Variants in KDM2B observed in about 807,000 individuals in gnomAD.
KDM2B encodes lysine-specific demethylase 2B.
A neutral mutation model predicts 150.0 loss-of-function variants in KDM2B; 26 were observed. The ratio of observed to expected loss-of-function variants is 0.17; its 90% confidence interval spans 0.13 to 0.24. The LOEUF is 0.24. Ranked by LOEUF, KDM2B falls within the 10% of genes least tolerant of loss-of-function variation. The pLI, the probability that KDM2B is intolerant of heterozygous loss-of-function variation, is 1.00. For synonymous variants in KDM2B, 734 were observed against 729.5 expected (o/e 1.01, Z -0.10); for missense variants, 1,265 against 1,816.9 (o/e 0.70, Z 5.52).
upstream of KDM2B, chr12:121,581,034 G>A (rs544047757): frequency 2.2e-6 from 3 of 1,350,270 alleles, no homozygotes; most frequent in African/African-American, 1.5e-5. Flanking sequence ...AGGAAATACA[G>A]CCAGACCAGA....
At chr12:121,408,505 A>G in the KDM2B span, among the ~76,000 whole-genome samples, 1 of 152,168 alleles carries the variant, frequency 6.6e-6, no homozygotes, top group African/African-American at 2.4e-5. Flanking sequence ...TTAAGAGGGG[A>G]AAGATCAGTA....
chr12:121,510,796 AAATAAT>A (rs58239095), intron 10 of KDM2B, among the ~76,000 whole-genome samples: 19 of 146,452 alleles, frequency 1.3e-4, no homozygotes, highest in East Asian at 2.0e-4. Flanking sequence ...CTGTCTCAAA[AAATAAT>A]AATAATAATA....
Position 121,575,957 on chromosome 12 carries a change from G to C in KDM2B, c.272-98C>G. 1.2e-6 allele frequency: 1 copy of C among 862,480 alleles called. No homozygotes were observed. The highest frequency in any genetic ancestry group is 2.0e-6 in the Non-Finnish European group (1 of 507,314). The allele number at this position is 862,480 out of a possible 1,614,324, so 53.4% of individuals were successfully genotyped here. ...GGGGAAGAAAACTGATGGACGAAGG[G>C]GCAGGGGGTCCAGGAGATGCAGGCA... is the stretch of plus-strand genomic sequence containing the variant. On this transcript the variant is annotated intron_variant, in intron 2 of 22. Transcript: ENST00000377071. The surrounding 1 kb of genome is among the most constrained non-coding windows in gnomAD (Gnocchi z 4.4).
At chr12:121,567,029 G>A (rs1240463513) in intron 4 of KDM2B, among the ~76,000 whole-genome samples, 2 of 151,808 alleles carry the variant, frequency 1.3e-5, no homozygotes, top group Admixed American at 6.6e-5. Context: ...TTACAGGTGT[G>A]AGCCACCACA....
intron 11 of KDM2B, among the ~76,000 whole-genome samples, chr12:121,507,999 A>C (rs1459016808): frequency 1.7e-4 from 26 of 152,348 alleles, no homozygotes; most frequent in Middle Eastern, 3.4e-3. Context: ...CAACAGAGTA[A>C]CACCCTGTCT....
intron 8 of KDM2B, among the ~76,000 whole-genome samples, chr12:121,528,194 A>G (rs1555307148): frequency 6.6e-6 from 1 of 152,162 alleles, no homozygotes; most frequent in Non-Finnish European, 1.5e-5. Flanking sequence ...GTCACCTTCA[A>G]CGGTCTTCCT....
In KDM2B at chr12:121,494,462, G is replaced by A. The variant is rs1481277343; in HGVS notation, c.1734+117C>T. The A allele has an allele frequency of 1.2e-4, 78 of 669,652 alleles. No homozygotes were observed. In the East Asian group the frequency reaches 2.0e-3, roughly 18 times the overall value. 41.5% of individuals were successfully genotyped at this position (669,652 alleles called of 1,614,324 possible). A position where few individuals can be genotyped will look rare whatever the true frequency, so the allele number is the denominator to read the frequency against. ...ATCACCAAAATCCTTCATCTTAACT[G>A]CGGTGCCTTCATCTCAGGAGGCCCC... On this transcript the variant is annotated intron_variant, in intron 12 of 22. Coordinates refer to ENST00000377071, the MANE Select transcript of KDM2B (RefSeq NM_032590.5).
chr12:121,462,908 C>A (rs1879305503), intron 12 of KDM2B, among the ~76,000 whole-genome samples: 1 of 151,878 alleles, frequency 6.6e-6, no homozygotes, highest in African/African-American at 2.4e-5. Context: ...TCGAGCCCAG[C>A]CTGGGCAACA....
In KDM2B at chr12:121,575,115, G is replaced by A. The variant is rs1891415852; in HGVS notation, c.351-522C>T. On this transcript the variant is annotated intron_variant, in intron 3 of 22. Transcript: ENST00000377071. The surrounding 1 kb of genome is among the most constrained non-coding windows in gnomAD (Gnocchi z 4.4). ...ACTATTAATTAACAATGATGCCCAA[G>A]GTTTAAATCCTACTCACAGGGATGG... Among the ~76,000 whole-genome samples, 1 of 152,222 alleles carries A rather than the reference G, an allele frequency of 6.6e-6. No individual in the cohort carries two copies. Among genetic ancestry groups the A allele is most frequent in the South Asian group, 2.1e-4 (1 of 4,834 alleles).
chr12:121,573,883 G>A (rs191581833), intron 4 of KDM2B, among the ~76,000 whole-genome samples: 7 of 152,186 alleles, frequency 4.6e-5, no homozygotes, highest in East Asian at 1.9e-4. Context: ...CACTGCACCC[G>A]GCCACTGTTT....
At chr12:121,463,674 G>A (rs1028209620) in intron 12 of KDM2B, among the ~76,000 whole-genome samples, 1 of 152,154 alleles carries the variant, frequency 6.6e-6, no homozygotes, top group Admixed American at 6.5e-5. Context: ...TCGAACTCCT[G>A]CGCTCAAGCA....
the KDM2B span, among the ~76,000 whole-genome samples, chr12:121,413,265 G>C: frequency 6.7e-6 from 1 of 149,446 alleles, no homozygotes; most frequent in Non-Finnish European, 1.5e-5. Context: ...GACCTCAGGA[G>C]ATCCACCTTC....
Position 121,549,045 on chromosome 12 carries a change from C to A in KDM2B, c.577-62G>T. 1 of 1,386,924 alleles carries A rather than the reference C, an allele frequency of 7.2e-7. No individual in the cohort carries two copies. The highest frequency in any genetic ancestry group is 1.0e-6 in the Non-Finnish European group (1 of 977,384). 85.9% of individuals were successfully genotyped at this position (1,386,924 alleles called of 1,614,324 possible). A position where few individuals can be genotyped will look rare whatever the true frequency, so the allele number is the denominator to read the frequency against. ...ACTGCCGAGCCAGACACAAATACCC[C>A]TTTCCCCGGAGAGTCCTTGGGCCCC... On this transcript the variant is annotated intron_variant, in intron 5 of 22. Coordinates refer to ENST00000377071, the MANE Select transcript of KDM2B (RefSeq NM_032590.5). The surrounding 1 kb of genome is among the most constrained non-coding windows in gnomAD (Gnocchi z 4.4).
intron 12 of KDM2B, among the ~76,000 whole-genome samples, chr12:121,483,432 G>C (rs1401186083): frequency 6.6e-6 from 1 of 152,140 alleles, no homozygotes; most frequent in East Asian, 1.9e-4. Context: ...TAGCACTTTG[G>C]GAGGCTGAGG....
At chr12:121,579,627 C>T (rs1347303591) in intron 1 of KDM2B, 12 of 1,325,278 alleles carry the variant, frequency 9.1e-6, no homozygotes, top group Non-Finnish European at 1.2e-5. Flanking sequence ...GCTGCCTCAT[C>T]TCCCCACAAG....
rs1555305124 is a variant in KDM2B, at chr12:121,516,965, A to C, written c.1048-3563T>G. ...TTATTTGCAATTTCCAAATAGATTC[A>C]GTGGCTGTAAGGGAATGGGGCATGT... On this transcript the variant is annotated intron_variant, in intron 9 of 22. Transcript: ENST00000377071. 4 of 630,384 alleles carry C rather than the reference A, an allele frequency of 6.3e-6. No individual in the cohort carries two copies. In the African/African-American group the frequency reaches 7.4e-5, roughly 12 times the overall value. The allele number at this position is 630,384 out of a possible 1,614,324, so 39.0% of individuals were successfully genotyped here.
At chr12:121,481,486 G>C (rs1289753004) in intron 12 of KDM2B, among the ~76,000 whole-genome samples, 1 of 150,672 alleles carries the variant, frequency 6.6e-6, no homozygotes, top group African/African-American at 2.4e-5. Context: ...AACATCGTTT[G>C]GTTGAGCATA....
At chr12:121,438,943 T>C (rs1221932570) in intron 22 of KDM2B, among the ~76,000 whole-genome samples, 3 of 152,104 alleles carry the variant, frequency 2.0e-5, no homozygotes, top group African/African-American at 4.8e-5. Context: ...ATTGGGTTAG[T>C]TGGGCGAAGA....
At chr12:121,445,836 G>A (rs1876072584) in intron 13 of KDM2B, among the ~76,000 whole-genome samples, 1 of 152,200 alleles carries the variant, frequency 6.6e-6, no homozygotes, top group South Asian at 2.1e-4. Flanking sequence ...GCAGGGGCGT[G>A]AGCGCAGCCC....
Sources: allele counts gnomAD v4.1 joint callset (sites outside exome capture counted in the v4.1 genomes callset), GRCh38; gene constraint gnomAD v4.1.1; non-coding constraint Gnocchi (gnomAD v3.1); transcripts MANE v1.5; gene names NCBI Gene and HGNC (gene_info 2026-07-23, HGNC 2026-07-21).